THSD4: variants seen among roughly 807,000 people sequenced by gnomAD.
THSD4 encodes the protein thrombospondin type-1 domain-containing protein 4.
THSD4 carries 69 observed loss-of-function variants against 119.0 expected under a neutral mutation model. The observed-to-expected ratio is 0.58, with a 90% CI of 0.48 to 0.71. The LOEUF (loss-of-function observed/expected upper bound fraction) is 0.71. Ranked by LOEUF, THSD4 falls within the 30% of genes least tolerant of loss-of-function variation. The pLI is 0.00. For missense variants in THSD4, 1,393 were observed against 1,391.1 expected (o/e 1.00, Z -0.02); for synonymous variants, 524 against 540.4 (o/e 0.97, Z 0.42).
chr15:71,509,322 C>A (rs1433390634), intron 7 of THSD4, among the ~76,000 whole-genome samples: 1 of 152,158 alleles, frequency 6.6e-6, no homozygotes, highest in African/African-American at 2.4e-5. Context: ...CTGCATTGCC[C>A]CTGTGGACTT....
intron 7 of THSD4, among the ~76,000 whole-genome samples, chr15:71,479,179 CCTT>C (rs1390956875): frequency 4.3e-4 from 41 of 94,902 alleles, no homozygotes; most frequent in Non-Finnish European, 4.8e-4. Flanking sequence ...CTTTCTTCTG[CCTT>C]TTTTTTTTTT....
intron 2 of THSD4, among the ~76,000 whole-genome samples, chr15:71,148,143 A>G (rs765071337): frequency 6.6e-6 from 1 of 152,186 alleles, no homozygotes; most frequent in Non-Finnish European, 1.5e-5. Context: ...TATAATGGAA[A>G]TATTTCACTC....
chr15:71,727,556 ATATATATAT>A, intron 8 of THSD4, among the ~76,000 whole-genome samples: 2 of 121,870 alleles, frequency 1.6e-5, no homozygotes, highest in African/African-American at 8.0e-5. Context: ...AAAAAAAAAT[ATATATATAT>A]ATATATATAT....
At chr15:71,375,194 C>T (rs528552690) in intron 6 of THSD4, among the ~76,000 whole-genome samples, 1 of 152,314 alleles carries the variant, frequency 6.6e-6, no homozygotes, top group East Asian at 1.9e-4. Flanking sequence ...ATGATCTTTT[C>T]ATCCAAGTAT....
intron 6 of THSD4, among the ~76,000 whole-genome samples, chr15:71,320,207 CATG>C (rs1385150660): frequency 5.9e-5 from 9 of 152,198 alleles, no homozygotes; most frequent in Non-Finnish European, 1.0e-4. Flanking sequence ...TGCAGTCACT[CATG>C]ATAACCATTT....
intron 7 of THSD4, among the ~76,000 whole-genome samples, chr15:71,499,631 T>C (rs1177934807): frequency 6.6e-6 from 1 of 152,172 alleles, no homozygotes; most frequent in Non-Finnish European, 1.5e-5. Context: ...AAACTGAAAC[T>C]CTGTTCCCAT....
intron 8 of THSD4, among the ~76,000 whole-genome samples, chr15:71,669,991 GCCTTGCAATTT>G (rs1049250280): frequency 3.3e-5 from 5 of 152,194 alleles, no homozygotes; most frequent in African/African-American, 9.7e-5. Context: ...TGTTTAGTTT[GCCTTGCAATTT>G]CCTTGCAATG....
At chr15:71,453,808 C>A (rs559166684) in intron 7 of THSD4, among the ~76,000 whole-genome samples, 1 of 152,282 alleles carries the variant, frequency 6.6e-6, no homozygotes, top group South Asian at 2.1e-4. Context: ...TGTGTTGTGA[C>A]CATCATAACC....
At chr15:71,257,220 C>T (rs1265195356) in intron 6 of THSD4, among the ~76,000 whole-genome samples, 1 of 152,168 alleles carries the variant, frequency 6.6e-6, no homozygotes, top group Non-Finnish European at 1.5e-5. Flanking sequence ...CCCGTCATTT[C>T]CAGATGACAG....
intron 17 of THSD4, among the ~76,000 whole-genome samples, chr15:71,773,032 T>C (rs2053848242): frequency 6.6e-6 from 1 of 151,272 alleles, no homozygotes. Flanking sequence ...AACCCCATCT[T>C]GGCAAAAAAC....
chr15:71,522,911 C>T (rs1183574250), intron 7 of THSD4, among the ~76,000 whole-genome samples: 5 of 152,208 alleles, frequency 3.3e-5, no homozygotes, highest in Admixed American at 3.3e-4. Context: ...AATGGGACTT[C>T]AGTCTGAACC....
In THSD4 at chr15:71,402,177, A is replaced by G. The variant is rs547191894; in HGVS notation, c.1016-9510A>G. Among the ~76,000 whole-genome samples, 7 of 152,052 alleles carry G rather than the reference A, an allele frequency of 4.6e-5. No homozygotes were observed. In the East Asian group the frequency reaches 1.4e-3, roughly 29 times the overall value. ...AATGACAAGTTAATGGGTGCAGCACACCAATACGGCACATGTATACATATG... is the reference window on the plus strand; with the variant it reads ...AATGACAAGTTAATGGGTGCAGCACGCCAATACGGCACATGTATACATATG... On this transcript the variant is annotated intron_variant, in intron 6 of 17. Coordinates refer to ENST00000261862, the MANE Select transcript of THSD4 (RefSeq NM_024817.3).
chr15:71,564,700 CAT>C (rs1249752988), intron 7 of THSD4, among the ~76,000 whole-genome samples: 1 of 105,598 alleles, frequency 9.5e-6, no homozygotes, highest in South Asian at 2.9e-4. Flanking sequence ...TATAGTATAA[CAT>C]ATAATACAAT....
intron 7 of THSD4, among the ~76,000 whole-genome samples, chr15:71,551,897 C>T (rs1340379480): frequency 6.6e-6 from 1 of 152,186 alleles, no homozygotes; most frequent in African/African-American, 2.4e-5. Context: ...GCAAGCCACC[C>T]TTACCAGTTC....
At chr15:71,355,127 T>C (rs1477478562) in intron 6 of THSD4, among the ~76,000 whole-genome samples, 1 of 152,200 alleles carries the variant, frequency 6.6e-6, no homozygotes, top group East Asian at 1.9e-4. Flanking sequence ...GTATCCATCA[T>C]GTTGTTTGGG....
intron 4 of THSD4, among the ~76,000 whole-genome samples, chr15:71,234,612 A>AT (rs1480773245): frequency 6.6e-6 from 1 of 152,140 alleles, no homozygotes; most frequent in Non-Finnish European, 1.5e-5. Context: ...CAAACTCTTA[A>AT]TTTCCTTGGG....
chr15:71,685,800 C>G (rs1411867268), intron 8 of THSD4, among the ~76,000 whole-genome samples: 1 of 151,760 alleles, frequency 6.6e-6, no homozygotes, highest in East Asian at 1.9e-4. Flanking sequence ...CATCAATAAA[C>G]TTGTCATGTT....
At chr15:71,187,074 C>G (rs1207342950) in intron 3 of THSD4, 1 of 152,294 alleles carries the variant, frequency 6.6e-6, no homozygotes, top group East Asian at 1.9e-4. Flanking sequence ...CAGAGGAAGG[C>G]GGGTCGAATG....
chr15:71,283,179 C>T (rs1196661519), intron 6 of THSD4, among the ~76,000 whole-genome samples: 7 of 152,040 alleles, frequency 4.6e-5, no homozygotes, highest in South Asian at 2.1e-4. Flanking sequence ...CTGTGTTAGC[C>T]GGGATGGTCT....
Sources: gnomAD v4.1 joint callset for allele counts (sites outside exome capture counted in the v4.1 genomes callset) on GRCh38, gnomAD v4.1.1 for gene constraint, MANE v1.5 for transcripts, NCBI Gene and HGNC (gene_info 2026-07-23, HGNC 2026-07-21) for gene names.